The following RAB3IL1 variants were observed in gnomAD, a reference collection of about 807,000 sequenced individuals.
The protein encoded by RAB3IL1 is guanine nucleotide exchange factor for Rab-3A.
RAB3IL1 carries 37 observed loss-of-function variants against 49.2 expected under a neutral mutation model. The ratio of observed to expected loss-of-function variants is 0.75; its 90% CI spans 0.58 to 0.99. The LOEUF (loss-of-function observed/expected upper bound fraction) is 0.99, where lower values mean the gene tolerates loss of function less well. RAB3IL1 is among the 50% of genes least tolerant of loss of function. RAB3IL1 has a pLI of 0.00. For missense variants in RAB3IL1, 484 were observed against 513.0 expected, an observed-to-expected ratio of 0.94 and a Z score of 0.55; for synonymous variants, 193 against 213.9, an observed-to-expected ratio of 0.90 and a Z score of 0.85.
At chr11:61,920,153 C>G, upstream of RAB3IL1, 4 of 1,332,016 alleles carry the variant, frequency 3.0e-6, no homozygotes, top group Non-Finnish European at 3.9e-6. Context: ...GGACATGTCC[C>G]TCGGGCGGGG....
At chr11:61,933,867 C>T in the RAB3IL1 span, among the ~76,000 whole-genome samples, 1 of 151,928 alleles carries the variant, frequency 6.6e-6, no homozygotes, top group African/African-American at 2.4e-5. Flanking sequence ...ATCACTTGAA[C>T]CCAAGAGGTG....
the RAB3IL1 span, among the ~76,000 whole-genome samples, chr11:61,946,063 G>A: frequency 6.6e-6 from 1 of 152,186 alleles, no homozygotes; most frequent in Non-Finnish European, 1.5e-5. Context: ...TTGTCTGTCT[G>A]GCTTCCGGGC....
chr11:61,911,831 G>A (rs1306247672), intron 1 of RAB3IL1, among the ~76,000 whole-genome samples: 1 of 152,116 alleles, frequency 6.6e-6, no homozygotes, highest in Non-Finnish European at 1.5e-5. Context: ...GGCCCCACGG[G>A]TCACTTCCCC....
At chr11:61,927,404 G>C in the RAB3IL1 span, among the ~76,000 whole-genome samples, 1 of 152,168 alleles carries the variant, frequency 6.6e-6, no homozygotes, top group Non-Finnish European at 1.5e-5. Flanking sequence ...CAGGACCACA[G>C]GTCAGGTACA....
At chr11:61,907,980 CTGA>C (rs1939282853) in intron 2 of RAB3IL1, 71 bp downstream of exon 2, 1 of 1,532,250 alleles carries the variant, frequency 6.5e-7, no homozygotes, top group Non-Finnish European at 8.8e-7. Context: ...CTCTGGGCAC[CTGA>C]TGAGAGCCCA....
At chr11:61,904,715 G>T in intron 6 of RAB3IL1, 39 bp downstream of exon 6, 1 of 1,582,326 alleles carries the variant, frequency 6.3e-7, no homozygotes. Flanking sequence ...TGGCGGAGGG[G>T]TGTGTCCCCC....
the RAB3IL1 span, among the ~76,000 whole-genome samples, chr11:61,931,098 T>C: frequency 6.6e-6 from 1 of 152,156 alleles, no homozygotes; most frequent in African/African-American, 2.4e-5. Context: ...AACTGAAGTA[T>C]AGAGCACTAG....
intron 7 of RAB3IL1, 123 bp from the exon 8 acceptor site, chr11:61,902,664 C>T (rs116610257): frequency 2.3e-6 from 2 of 877,928 alleles, no homozygotes; most frequent in South Asian, 3.2e-5. Context: ...TCCCTTCCCC[C>T]ACCCGGCTTC....
chr11:61,936,432 C>T, the RAB3IL1 span, among the ~76,000 whole-genome samples: 39,467 of 152,124 alleles, frequency 0.26, 5,561 homozygotes, highest in South Asian at 0.57. Context: ...GACAGAATCT[C>T]ACTTTGTTGC....
At chr11:61,923,428 C>G (rs900853630), upstream of RAB3IL1, among the ~76,000 whole-genome samples, 1 of 152,158 alleles carries the variant, frequency 6.6e-6, no homozygotes, top group African/African-American at 2.4e-5. Context: ...AGCTCAGTCA[C>G]GAGGGGAGGC....
intron 9 of RAB3IL1, 64 bp downstream of exon 9, chr11:61,899,250 G>T: frequency 1.3e-6 from 2 of 1,523,586 alleles, no homozygotes; most frequent in Non-Finnish European, 1.8e-6. Flanking sequence ...GGCCCAGAGG[G>T]CACTTCCCCA....
At chr11:61,905,229 G>C (rs1565360444) in intron 5 of RAB3IL1, among the ~76,000 whole-genome samples, 1 of 152,210 alleles carries the variant, frequency 6.6e-6, no homozygotes, top group Non-Finnish European at 1.5e-5. Flanking sequence ...ACAGGTACCA[G>C]CAGGTACACA....
At chr11:61,937,445 A>C in the RAB3IL1 span, among the ~76,000 whole-genome samples, 2 of 152,024 alleles carry the variant, frequency 1.3e-5, no homozygotes, top group South Asian at 4.1e-4. Context: ...AGCTGGGACT[A>C]CAGGTGCACA....
the RAB3IL1 span, among the ~76,000 whole-genome samples, chr11:61,943,507 C>T: frequency 2.0e-5 from 3 of 152,076 alleles, no homozygotes; most frequent in Non-Finnish European, 2.9e-5. Context: ...CATCAAGGAA[C>T]CTCCTCAAGA....
rs114427111 is a variant in RAB3IL1, at chr11:61,913,083, G to C, written c.11+4274C>G. Reference sequence around the variant, plus strand: ...TGGGAAGTGGCACGTCCCGTAGGCAGCTGAGGGGGAATAGGCAGGATGGGG... The same window carrying C: ...TGGGAAGTGGCACGTCCCGTAGGCACCTGAGGGGGAATAGGCAGGATGGGG... On this transcript the variant is annotated intron_variant, in intron 1 of 9. Transcript: ENST00000394836. Among the ~76,000 whole-genome samples the C allele has an allele frequency of 2.8e-3, 427 of 152,226 alleles. 2 individuals are homozygous for C. The highest frequency in any genetic ancestry group is 9.7e-3 in the African/African-American group (401 of 41,532).
At chr11:61,905,254 C>T (rs1390438243) in intron 5 of RAB3IL1, among the ~76,000 whole-genome samples, 4 of 152,186 alleles carry the variant, frequency 2.6e-5, no homozygotes, top group Non-Finnish European at 4.4e-5. Flanking sequence ...CACACAAGCA[C>T]GTGCACACAG....
chr11:61,928,625 G>A, the RAB3IL1 span, among the ~76,000 whole-genome samples: 6 of 151,868 alleles, frequency 4.0e-5, no homozygotes, highest in Admixed American at 3.9e-4. Context: ...CCAAATACAT[G>A]GAGCTAGGAC....
chr11:61,937,636 T>C, the RAB3IL1 span, among the ~76,000 whole-genome samples: 11 of 145,262 alleles, frequency 7.6e-5, no homozygotes, highest in Non-Finnish European at 1.7e-4. Flanking sequence ...ACTAAGAAAA[T>C]AACTAAAAGA....
At chr11:61,907,153 A>C (rs1000924446) in intron 4 of RAB3IL1, among the ~76,000 whole-genome samples, 7 of 152,248 alleles carry the variant, frequency 4.6e-5, no homozygotes, top group Non-Finnish European at 8.8e-5. Flanking sequence ...TCCCAGCCCC[A>C]GCACTATCCC....
Sources: gnomAD v4.1 joint callset for allele counts (sites outside exome capture counted in the v4.1 genomes callset) on GRCh38, gnomAD v4.1.1 for gene constraint, MANE v1.5 for transcripts, NCBI Gene and HGNC (gene_info 2026-07-23, HGNC 2026-07-21) for gene names.